Variants in WDR31 observed in about 807,000 individuals in gnomAD.
The protein encoded by WDR31 is WD repeat-containing protein 31.
Under a neutral mutation model 47.3 loss-of-function variants are expected in WDR31, and 30 were observed. The ratio of observed to expected loss-of-function variants is 0.63; its 90% CI spans 0.47 to 0.86. WDR31 has a LOEUF of 0.86. Ranked by LOEUF, WDR31 falls within the 40% of genes least tolerant of loss-of-function variation. The probability of loss-of-function intolerance (pLI) is 0.00; values close to 1 mark genes in which losing one functional copy is unlikely to be tolerated. For synonymous variants in WDR31, 137 were observed against 159.4 expected (o/e 0.86, Z 1.06); for missense variants, 406 against 442.9 (o/e 0.92, Z 0.75).
chr9:113,334,548 TA>T (rs1231402305), intron 2 of WDR31, among the ~76,000 whole-genome samples: 107 of 151,952 alleles, frequency 7.0e-4, no homozygotes, highest in African/African-American at 2.5e-3. Flanking sequence ...TTATTTATTT[TA>T]TTTTTTTGAG....
At chr9:113,330,182 C>A (rs1833566113) in intron 4 of WDR31, among the ~76,000 whole-genome samples, 1 of 151,930 alleles carries the variant, frequency 6.6e-6, no homozygotes, top group South Asian at 2.1e-4. Flanking sequence ...CTTACTGCAA[C>A]CTCCACTTCC....
chr9:113,332,821 C>G (rs564107256), intron 2 of WDR31, among the ~76,000 whole-genome samples: 14 of 152,310 alleles, frequency 9.2e-5, no homozygotes, highest in African/African-American at 2.9e-4. Flanking sequence ...CCAGATCCCT[C>G]ATGAATACTT....
chr9:113,325,705 T>A (rs1267456797), intron 5 of WDR31, among the ~76,000 whole-genome samples: 2 of 151,812 alleles, frequency 1.3e-5, no homozygotes, highest in Admixed American at 1.3e-4. Flanking sequence ...TAGTCTATTA[T>A]CATATTATTA....
At chr9:113,332,122 CT>C (rs1833612576) in intron 2 of WDR31, 72 bp from the exon 3 acceptor site, 1 of 1,030,470 alleles carries the variant, frequency 9.7e-7, no homozygotes, top group Non-Finnish European at 1.4e-6. Flanking sequence ...AAAATAAATC[CT>C]TTTTTAGACT....
chr9:113,323,634 T>C (rs777118256), intron 5 of WDR31, among the ~76,000 whole-genome samples: 1 of 152,228 alleles, frequency 6.6e-6, no homozygotes, highest in Non-Finnish European at 1.5e-5. Context: ...CCAGTCTGAA[T>C]TTCCACCTTT....
chr9:113,338,793 T>C (rs986878984), intron 1 of WDR31, among the ~76,000 whole-genome samples: 3 of 151,974 alleles, frequency 2.0e-5, no homozygotes, highest in Non-Finnish European at 4.4e-5. Flanking sequence ...TAATTTTGTG[T>C]TTTTAGTAGA....
At chr9:113,326,386 CTTTT>C (rs1451664821) in intron 5 of WDR31, among the ~76,000 whole-genome samples, 2 of 151,236 alleles carry the variant, frequency 1.3e-5, no homozygotes, top group Non-Finnish European at 2.9e-5. Context: ...CTTTCTCTTT[CTTTT>C]CTTTCTTTCC....
chr9:113,336,548 C>T (rs996752131), intron 1 of WDR31, 108 bp from the exon 2 acceptor site: 1 of 152,212 alleles, frequency 6.6e-6, no homozygotes, highest in Admixed American at 6.5e-5. Context: ...CCAAGATTAT[C>T]TCTCTCACAT....
At position 113,318,590 on chromosome 9, in the gene WDR31, C is replaced by G. The variant is rs1588038604; in HGVS notation, c.828G>C (p.Gly276=). 4 of 1,614,194 alleles carry G rather than the reference C, an allele frequency of 2.5e-6. No individual in the cohort carries two copies. The highest frequency in any genetic ancestry group is 4.5e-5 in the East Asian group (2 of 44,888). The change falls in exon 10 of 11, where the codon GGG becomes GGC. Residue 276 remains glycine (G), a synonymous_variant. Coordinates refer to ENST00000374193, the MANE Select transcript of WDR31 (RefSeq NM_001012361.4). ...CGCAGGATGCGACAGTCTGGAAATGCCCCTTATACTCACATATTCTGTTTC... is the reference window on the plus strand; with the variant it reads ...CGCAGGATGCGACAGTCTGGAAATGGCCCTTATACTCACATATTCTGTTTC... The part of the protein sequence containing the change: ...QTRNRICEYK[G]HFQTVASCVF...
chr9:113,316,927 A>G lies in WDR31; in HGVS notation c.944-18T>C. The G allele has an allele frequency of 6.2e-7, 1 of 1,611,758 alleles. No individual in the cohort carries two copies. Among genetic ancestry groups the G allele is most frequent in the African/African-American group, 1.3e-5 (1 of 74,946 alleles). ...AAGGCAGGCTGGGGGGGAAAGGGGG[A>G]CCAGCAGATTAGGCCAAGAGTGTAG... On this transcript the variant is annotated intron_variant, in intron 10 of 10. Coordinates refer to ENST00000374193, the MANE Select transcript of WDR31 (RefSeq NM_001012361.4).
intron 4 of WDR31, 147 bp downstream of exon 4, chr9:113,330,837 G>T: frequency 5.5e-6 from 5 of 902,494 alleles, no homozygotes; most frequent in Non-Finnish European, 6.3e-6. Flanking sequence ...GCCAAGCAGG[G>T]ATTTAAATCC....
At chr9:113,326,500 T>C (rs1249039405) in intron 5 of WDR31, among the ~76,000 whole-genome samples, 2 of 151,756 alleles carry the variant, frequency 1.3e-5, no homozygotes, top group Non-Finnish European at 2.9e-5. Flanking sequence ...TGGGTCTCGC[T>C]ATGTCACCCA....
chr9:113,329,333 T>TG (rs896627931), intron 4 of WDR31, among the ~76,000 whole-genome samples: 39 of 142,466 alleles, frequency 2.7e-4, no homozygotes, highest in Admixed American at 6.2e-4. Flanking sequence ...GTTGTGGTGT[T>TG]TTTTTTTTTT....
At position 113,318,535 on chromosome 9, in the gene WDR31, G is replaced by T. The variant is rs757554926; in HGVS notation, c.883C>A (p.Pro295Thr). 3.1e-6 allele frequency: 5 copies of T among 1,614,192 alleles called. No homozygotes were observed. The highest frequency in any genetic ancestry group is 4.2e-6 in the Non-Finnish European group (5 of 1,180,052). ...TCATGTGATGAGGTAGCAATTAAAG[G>T]CATCAAGGCCAATGCTCTTGGTAGA... The part of the protein sequence containing the change: ...VFLPRALALM[P>T]LIATSSHDCK... Residue 295 changes from proline (P) to threonine (T), a missense_variant, in exon 10 of 11, where the codon CCT (proline) becomes ACT (threonine). Transcript: ENST00000374193.
chr9:113,335,508 A>G (rs1833698592), intron 2 of WDR31, among the ~76,000 whole-genome samples: 1 of 152,230 alleles, frequency 6.6e-6, no homozygotes, highest in South Asian at 2.1e-4. Context: ...TTCTAGGAAG[A>G]ACTGTCTACA....
chr9:113,333,699 T>C (rs572465058), intron 2 of WDR31, among the ~76,000 whole-genome samples: 2 of 151,840 alleles, frequency 1.3e-5, no homozygotes, highest in African/African-American at 4.8e-5. Context: ...TTTTTTTTAA[T>C]AATTTCACTA....
Position 113,316,643 on chromosome 9 carries a change from GA to G in WDR31, c.*105del. The G allele has an allele frequency of 3.6e-6, 5 of 1,371,668 alleles. No homozygotes were observed. The highest frequency in any genetic ancestry group is 4.9e-6 in the Non-Finnish European group (5 of 1,016,656). The allele number at this position is 1,371,668 out of a possible 1,614,324, so 85.0% of individuals were successfully genotyped here. A position where few individuals can be genotyped will look rare whatever the true frequency, so the allele number is the denominator to read the frequency against. ...CATCTTGTAAATGAACCTAAGCAAA[GA>G]ATACCAGCCCTACATCCCACTCCCC... On this transcript the variant is annotated 3_prime_UTR_variant, in exon 11 of 11. Transcript: ENST00000374193.
intron 5 of WDR31, among the ~76,000 whole-genome samples, chr9:113,327,716 C>T (rs547282643): frequency 1.1e-4 from 16 of 151,784 alleles, no homozygotes; most frequent in Non-Finnish European, 2.2e-4. Flanking sequence ...TTTAAACTCC[C>T]GGCCTCGGGC....
chr9:113,333,638 C>T (rs1163251113), intron 2 of WDR31, among the ~76,000 whole-genome samples: 36 of 151,736 alleles, frequency 2.4e-4, no homozygotes, highest in Admixed American at 9.2e-4. Context: ...GCCTCGGCCT[C>T]CCAAAGTGCT....
Sources: gnomAD v4.1 joint callset for allele counts (sites outside exome capture counted in the v4.1 genomes callset) on GRCh38, gnomAD v4.1.1 for gene constraint, MANE v1.5 for transcripts, NCBI Gene and HGNC (gene_info 2026-07-23, HGNC 2026-07-21) for gene names.